Variants in ACER2 observed in about 807,000 individuals in gnomAD.
ACER2 encodes the protein alkaline ceramidase 2, also known as alkCDase 2.
A neutral mutation model predicts 34.7 loss-of-function variants in ACER2; 26 were observed. The observed-to-expected ratio is 0.75, with a 90% CI of 0.55 to 1.04. The LOEUF (loss-of-function observed/expected upper bound fraction) is 1.04. ACER2 is among the 50% of genes least tolerant of loss of function. The probability of loss-of-function intolerance (pLI) is 0.00; values close to 1 mark genes in which losing one functional copy is unlikely to be tolerated. For missense variants in ACER2, 352 were observed against 340.8 expected, an observed-to-expected ratio of 1.03 and a Z score of -0.26; for synonymous variants, 138 against 132.1, an observed-to-expected ratio of 1.04 and a Z score of -0.31.
At chr9:19,446,069 G>C (rs372034851) in intron 4 of ACER2, 16 of 779,308 alleles carry the variant, frequency 2.1e-5, no homozygotes, top group East Asian at 2.0e-4. Context: ...AGTCAGGAGA[G>C]AAGCCTGGGT....
intron 5 of ACER2, 117 bp downstream of exon 5, chr9:19,446,535 T>C (rs1831370764): frequency 1.3e-6 from 2 of 1,551,262 alleles, no homozygotes; most frequent in South Asian, 2.5e-5. Flanking sequence ...CTTGCTTCTC[T>C]CCTCAGGTGG....
At chr9:19,411,175 A>G (rs572778214) in intron 1 of ACER2, among the ~76,000 whole-genome samples, 1 of 152,306 alleles carries the variant, frequency 6.6e-6, no homozygotes, top group East Asian at 1.9e-4. Flanking sequence ...AGTCTTTTTC[A>G]GAAACTAACT....
At chr9:19,449,699 C>A (rs1360653420) in intron 5 of ACER2, among the ~76,000 whole-genome samples, 1 of 151,948 alleles carries the variant, frequency 6.6e-6, no homozygotes, top group African/African-American at 2.4e-5. Context: ...GCCTGGCCAA[C>A]ATGGTGAAAC....
chr9:19,420,726 C>G (rs1830378839), intron 1 of ACER2, among the ~76,000 whole-genome samples: 1 of 152,116 alleles, frequency 6.6e-6, no homozygotes, highest in Non-Finnish European at 1.5e-5. Context: ...AAATTCATTT[C>G]TTACAGTTCT....
intron 1 of ACER2, among the ~76,000 whole-genome samples, chr9:19,418,010 A>C (rs1385734149): frequency 1.3e-5 from 2 of 152,242 alleles, no homozygotes; most frequent in Non-Finnish European, 2.9e-5. Flanking sequence ...ACAAGAAAAA[A>C]AACAACCCCA....
At chr9:19,447,903 A>T (rs569718064) in intron 5 of ACER2, among the ~76,000 whole-genome samples, 1 of 151,976 alleles carries the variant, frequency 6.6e-6, no homozygotes, top group Non-Finnish European at 1.5e-5. Context: ...AATTATTAAC[A>T]GTCTGATGTA....
At chr9:19,424,978 G>A (rs1456676616) in intron 3 of ACER2, 137 bp downstream of exon 3, 1 of 1,157,372 alleles carries the variant, frequency 8.6e-7, no homozygotes, top group Non-Finnish European at 1.2e-6. Flanking sequence ...AATATCTACT[G>A]ATTGTTTTTA....
intron 3 of ACER2, among the ~76,000 whole-genome samples, chr9:19,429,849 A>G (rs1054207879): frequency 4.6e-5 from 7 of 152,156 alleles, no homozygotes; most frequent in African/African-American, 1.7e-4. Context: ...TAGCTCTCTG[A>G]GGTCCGTTTC....
intron 2 of ACER2, chr9:19,424,225 C>G (rs1207321372): frequency 6.8e-6 from 3 of 443,102 alleles, no homozygotes; most frequent in African/African-American, 2.1e-5. Context: ...GTGCAATTTT[C>G]TGAACGTCTG....
intron 1 of ACER2, among the ~76,000 whole-genome samples, chr9:19,416,524 T>G (rs1163170353): frequency 6.6e-6 from 1 of 151,992 alleles, no homozygotes; most frequent in Non-Finnish European, 1.5e-5. Flanking sequence ...TTTATTTTTA[T>G]TTTTTATTTT....
intron 3 of ACER2, among the ~76,000 whole-genome samples, chr9:19,427,665 CTCTTT>C (rs1227866020): frequency 1.9e-5 from 2 of 104,350 alleles, no homozygotes; most frequent in Admixed American, 1.2e-4. Flanking sequence ...CTCTTCTCTT[CTCTTT>C]TCTTTCTTTT....
In ACER2 at chr9:19,450,678, G is replaced by C. The variant is rs1273506074; in HGVS notation, c.*42G>C. 6.7e-7 allele frequency: 1 copy of C among 1,492,490 alleles called. No homozygotes were observed. The highest frequency in any genetic ancestry group is 1.4e-5 in the South Asian group (1 of 71,814). 92.5% of individuals were successfully genotyped at this position (1,492,490 alleles called of 1,614,324 possible). A position where few individuals can be genotyped will look rare whatever the true frequency, so the allele number is the denominator to read the frequency against. On this transcript the variant is annotated 3_prime_UTR_variant, in exon 6 of 6. Transcript: ENST00000340967. Reference sequence around the variant, plus strand: ...GGCTTCTCTGCTTATCGCCCCTCATGCAGTGGGCTTCCTTTGCTAGGAAGA... The same window carrying C: ...GGCTTCTCTGCTTATCGCCCCTCATCCAGTGGGCTTCCTTTGCTAGGAAGA...
At chr9:19,433,806 G>C (rs1180770113) in intron 3 of ACER2, among the ~76,000 whole-genome samples, 2 of 150,598 alleles carry the variant, frequency 1.3e-5, no homozygotes, top group African/African-American at 4.9e-5. Context: ...CCTCCTTCCC[G>C]GACGGGGCGG....
chr9:19,441,136 G>T (rs1831143062), intron 4 of ACER2, among the ~76,000 whole-genome samples: 2 of 147,660 alleles, frequency 1.4e-5, no homozygotes, highest in South Asian at 2.1e-4. Context: ...TGCAACCTCC[G>T]CCTCCCGGGT....
At chr9:19,415,614 A>AAT (rs1247431237) in intron 1 of ACER2, among the ~76,000 whole-genome samples, 7 of 152,222 alleles carry the variant, frequency 4.6e-5, no homozygotes, top group Admixed American at 2.6e-4. Context: ...CTTTGCAAAT[A>AAT]ATATATAAAT....
rs370907419 is a variant in ACER2 at position 19,451,536 on chromosome 9, T to G, written c.*900T>G. On this transcript the variant is annotated 3_prime_UTR_variant, in exon 6 of 6. Coordinates refer to ENST00000340967, the MANE Select transcript of ACER2 (RefSeq NM_001010887.3). ...TCTCTGCCAAAACCTACACTCCACT[T>G]TAGGCCCTTCTTGAAGATGAGCACA... is the stretch of plus-strand genomic sequence containing the variant. 3 of 152,720 alleles carry G rather than the reference T, an allele frequency of 2.0e-5. No individual in the cohort carries two copies. The highest frequency in any genetic ancestry group is 4.4e-5 in the Non-Finnish European group (3 of 68,012). 9.5% of individuals were successfully genotyped at this position (152,720 alleles called of 1,614,324 possible).
intron 3 of ACER2, among the ~76,000 whole-genome samples, chr9:19,425,845 A>G (rs1830541811): frequency 1.3e-5 from 2 of 152,226 alleles, no homozygotes; most frequent in Non-Finnish European, 2.9e-5. Context: ...GTCTGAAACT[A>G]TGGATTCAGT....
intron 5 of ACER2, among the ~76,000 whole-genome samples, chr9:19,447,162 C>T (rs1392738954): frequency 1.3e-5 from 2 of 152,184 alleles, no homozygotes; most frequent in Non-Finnish European, 2.9e-5. Flanking sequence ...TCCTCCAGGA[C>T]TTCTGATTGC....
At chr9:19,435,166 G>A (rs1368895745) in intron 4 of ACER2, 82 bp downstream of exon 4, 2 of 1,503,746 alleles carry the variant, frequency 1.3e-6, no homozygotes, top group Non-Finnish European at 1.8e-6. Context: ...CTGTCCTGTA[G>A]CAGAAGAGGA....
Sources: gnomAD v4.1 joint callset for allele counts (sites outside exome capture counted in the v4.1 genomes callset) on GRCh38, gnomAD v4.1.1 for gene constraint, MANE v1.5 for transcripts, NCBI Gene and HGNC (gene_info 2026-07-23, HGNC 2026-07-21) for gene names.